Variants in CCSER1 observed in about 807,000 individuals in gnomAD.
CCSER1 encodes serine-rich coiled-coil domain-containing protein 1.
Under a neutral mutation model 82.0 loss-of-function variants are expected in CCSER1, and 41 were observed. The observed-to-expected ratio is 0.50, with a 90% CI of 0.39 to 0.65. The LOEUF is 0.65. CCSER1 is among the 30% of genes least tolerant of loss of function. The probability of loss-of-function intolerance (pLI) is 0.00; values close to 1 mark genes in which losing one functional copy is unlikely to be tolerated. For synonymous variants in CCSER1, 414 were observed against 383.9 expected, an observed-to-expected ratio of 1.08 and a Z score of -0.92; for missense variants, 1,119 against 1,064.2, an observed-to-expected ratio of 1.05 and a Z score of -0.72.
chr4:90,204,157 C>T (rs2870043), intron 1 of CCSER1, among the ~76,000 whole-genome samples: 85,982 of 151,948 alleles, frequency 0.57, 24,969 homozygotes, highest in African/African-American at 0.7. Flanking sequence ...TTCACTCTGA[C>T]GATAGTTTCT....
intron 6 of CCSER1, among the ~76,000 whole-genome samples, chr4:90,684,138 C>A (rs1489999545): frequency 6.6e-6 from 1 of 152,072 alleles, no homozygotes; most frequent in Non-Finnish European, 1.5e-5. Context: ...AAGTTGTTAT[C>A]ATAGTTACAG....
At chr4:90,313,083 A>G (rs567399325) in intron 3 of CCSER1, 36 bp downstream of exon 3, 202 of 1,464,408 alleles carry the variant, frequency 1.4e-4, no homozygotes, top group South Asian at 3.4e-4. Flanking sequence ...TAATAAAATA[A>G]TGCTGTCTAT....
chr4:90,547,172 G>C (rs541362393), intron 5 of CCSER1, among the ~76,000 whole-genome samples: 1 of 134,110 alleles, frequency 7.5e-6, no homozygotes, highest in East Asian at 2.1e-4. Context: ...ACTTTTTGGA[G>C]TGATAGTTTG....
At chr4:90,506,772 A>AT (rs528685957) in intron 5 of CCSER1, among the ~76,000 whole-genome samples, 62 of 152,020 alleles carry the variant, frequency 4.1e-4, no homozygotes, top group East Asian at 1.7e-3. Context: ...GTCCAAAAAA[A>AT]AAAAAAATAA....
At chr4:91,507,487 G>T (rs1002103540) in intron 10 of CCSER1, among the ~76,000 whole-genome samples, 5 of 151,918 alleles carry the variant, frequency 3.3e-5, no homozygotes, top group Non-Finnish European at 5.9e-5. Context: ...GGAGTGCAGT[G>T]ACGCGATCTC....
chr4:90,380,528 G>A (rs894360407), intron 3 of CCSER1, among the ~76,000 whole-genome samples: 7 of 151,990 alleles, frequency 4.6e-5, no homozygotes, highest in African/African-American at 1.7e-4. Flanking sequence ...ATTTAGCCTC[G>A]ACTGAAATTG....
intron 6 of CCSER1, among the ~76,000 whole-genome samples, chr4:90,663,670 A>G (rs1173339452): frequency 6.6e-6 from 1 of 152,192 alleles, no homozygotes; most frequent in African/African-American, 2.4e-5. Flanking sequence ...ATTCTTCACA[A>G]TTTTTTCAAA....
At chr4:90,705,808 C>G (rs563687918) in intron 6 of CCSER1, among the ~76,000 whole-genome samples, 1 of 152,278 alleles carries the variant, frequency 6.6e-6, no homozygotes, top group Admixed American at 6.5e-5. Context: ...GTGCTGTTTG[C>G]TAAGACCATT....
At chr4:91,420,192 A>G (rs1753611311) in intron 10 of CCSER1, among the ~76,000 whole-genome samples, 1 of 152,096 alleles carries the variant, frequency 6.6e-6, no homozygotes, top group South Asian at 2.1e-4. Context: ...AAGCAAAAAT[A>G]AACAAATGGG....
At chr4:91,113,791 CAGAT>C (rs1482066409) in intron 10 of CCSER1, among the ~76,000 whole-genome samples, 1 of 151,874 alleles carries the variant, frequency 6.6e-6, no homozygotes, top group East Asian at 1.9e-4. Context: ...TGAAAAGGAG[CAGAT>C]AGATTTTTAT....
At chr4:91,292,207 G>C (rs1743802707) in intron 10 of CCSER1, among the ~76,000 whole-genome samples, 1 of 152,006 alleles carries the variant, frequency 6.6e-6, no homozygotes, top group Non-Finnish European at 1.5e-5. Context: ...GGTCCACAGA[G>C]CTAGAGAACT....
chr4:90,804,859 C>G (rs750815127), intron 7 of CCSER1, among the ~76,000 whole-genome samples: 1 of 152,108 alleles, frequency 6.6e-6, no homozygotes, highest in South Asian at 2.1e-4. Context: ...GGAATGAAAT[C>G]ACTTGTATGT....
intron 10 of CCSER1, among the ~76,000 whole-genome samples, chr4:91,464,428 A>G (rs7685950): frequency 0.84 from 127,475 of 152,130 alleles, 53,887 homozygotes; most frequent in African/African-American, 0.94. Context: ...ATCGATGCTA[A>G]GAAGAAACTG....
chr4:90,266,715 C>A (rs1188944718), intron 1 of CCSER1, among the ~76,000 whole-genome samples: 1 of 151,894 alleles, frequency 6.6e-6, no homozygotes, highest in Non-Finnish European at 1.5e-5. Context: ...CAGCTGGTAC[C>A]CATGGAGGGA....
At chr4:91,084,078 C>T (rs1413029199) in intron 9 of CCSER1, among the ~76,000 whole-genome samples, 4 of 151,926 alleles carry the variant, frequency 2.6e-5, no homozygotes, top group African/African-American at 9.7e-5. Flanking sequence ...TTATGGGCAC[C>T]CACCACCACA....
chr4:90,950,983 G>A (rs1325129037), intron 9 of CCSER1: 2 of 152,068 alleles, frequency 1.3e-5, no homozygotes, highest in Non-Finnish European at 2.9e-5. Flanking sequence ...GGCACTAGGT[G>A]CCTGGTATAT....
At chr4:90,887,458 A>G (rs1722300189) in intron 8 of CCSER1, among the ~76,000 whole-genome samples, 1 of 152,214 alleles carries the variant, frequency 6.6e-6, no homozygotes, top group African/African-American at 2.4e-5. Context: ...TGTTACAGAA[A>G]TCAGACAAGC....
intron 10 of CCSER1, among the ~76,000 whole-genome samples, chr4:91,490,251 G>A (rs539952631): frequency 2.3e-4 from 35 of 152,174 alleles, no homozygotes; most frequent in African/African-American, 6.0e-4. Flanking sequence ...TACATACCCC[G>A]AAGAAAGAAA....
intron 5 of CCSER1, among the ~76,000 whole-genome samples, chr4:90,523,435 G>A (rs1773375992): frequency 6.6e-6 from 1 of 152,006 alleles, no homozygotes; most frequent in South Asian, 2.1e-4. Flanking sequence ...TCCATTTCAA[G>A]GTCATCCTCA....
Sources: gnomAD v4.1 joint callset for allele counts (sites outside exome capture counted in the v4.1 genomes callset) on GRCh38, gnomAD v4.1.1 for gene constraint, MANE v1.5 for transcripts, NCBI Gene and HGNC (gene_info 2026-07-23, HGNC 2026-07-21) for gene names.